The following ELAPOR2 variants were observed in gnomAD, a reference collection of about 807,000 sequenced individuals.
ELAPOR2 encodes the protein endosome-lysosome associated apoptosis and autophagy regulator family member 2, also known as endosome/lysosome-associated apoptosis and autophagy regulator family member 2.
ELAPOR2 carries 89 observed loss-of-function variants against 120.7 expected under a neutral mutation model. The observed-to-expected ratio is 0.74, with a 90% CI of 0.62 to 0.88. The LOEUF (loss-of-function observed/expected upper bound fraction) is 0.88, where lower values mean the gene tolerates loss of function less well. ELAPOR2 is among the 40% of genes least tolerant of loss of function. The pLI, the probability that ELAPOR2 is intolerant of heterozygous loss-of-function variation, is 0.00. For synonymous variants in ELAPOR2, 444 were observed against 444.9 expected, an observed-to-expected ratio of 1.00 and a Z score of 0.03; for missense variants, 1,134 against 1,251.6, an observed-to-expected ratio of 0.91 and a Z score of 1.42.
At chr7:86,932,514 A>G (rs1790371726) in intron 8 of ELAPOR2, among the ~76,000 whole-genome samples, 1 of 151,906 alleles carries the variant, frequency 6.6e-6, no homozygotes, top group Non-Finnish European at 1.5e-5. Context: ...AACACTGCAC[A>G]GGTTACTCTG....
At position 87,052,494 on chromosome 7, in the gene ELAPOR2, A is replaced by G. The variant is rs144397386; in HGVS notation, c.189+6831T>C. 1.7e-3 allele frequency among the ~76,000 whole-genome samples: 254 copies of G among 152,290 alleles called. 2 individuals carry two copies. The highest frequency in any genetic ancestry group is 5.9e-3 in the African/African-American group (244 of 41,556). On this transcript the variant is annotated intron_variant, in intron 1 of 21. Transcript: ENST00000450689. ...GTGGGAACACAGGCAAACCATATCA[A>G]TTCCTTTCTTTATACTGAGCGCAAT...
intron 1 of ELAPOR2, among the ~76,000 whole-genome samples, chr7:87,032,249 G>A (rs1287095394): frequency 2.0e-5 from 3 of 152,090 alleles, no homozygotes; most frequent in African/African-American, 7.2e-5. Context: ...TAAAATGTCT[G>A]AATATCACTT....
chr7:86,903,557 A>T (rs1226952180), intron 18 of ELAPOR2, among the ~76,000 whole-genome samples: 1 of 152,212 alleles, frequency 6.6e-6, no homozygotes, highest in Non-Finnish European at 1.5e-5. Flanking sequence ...CCAAAGACCA[A>T]AGAAAATACT....
intron 2 of ELAPOR2, among the ~76,000 whole-genome samples, chr7:86,950,896 G>A (rs981184885): frequency 6.6e-6 from 1 of 152,174 alleles, no homozygotes; most frequent in African/African-American, 2.4e-5. Context: ...AGTATAAGGT[G>A]GTTAGTGCCT....
intron 1 of ELAPOR2, among the ~76,000 whole-genome samples, chr7:87,043,866 G>A (rs867871210): frequency 6.6e-6 from 1 of 151,830 alleles, no homozygotes; most frequent in Non-Finnish European, 1.5e-5. Flanking sequence ...AAACCCCATT[G>A]TCTCAGCCCA....
At chr7:86,942,247 G>C (rs1384375368) in intron 4 of ELAPOR2, 143 bp from the exon 5 acceptor site, 2 of 521,610 alleles carry the variant, frequency 3.8e-6, no homozygotes, top group Non-Finnish European at 7.0e-6. Context: ...TAAACATACC[G>C]AGACCTCTGG....
intron 15 of ELAPOR2, chr7:86,911,672 C>G (rs1291321594): frequency 2.2e-6 from 1 of 458,286 alleles, no homozygotes; most frequent in African/African-American, 2.0e-5. Flanking sequence ...TTTGGACAAG[C>G]TTCCTCTTGA....
intron 1 of ELAPOR2, among the ~76,000 whole-genome samples, chr7:87,016,219 C>T (rs1793862527): frequency 6.6e-6 from 1 of 152,042 alleles, no homozygotes; most frequent in African/African-American, 2.4e-5. Context: ...ATATTTTAGA[C>T]TCAAAATGTA....
rs1274112462 is a variant in ELAPOR2, at chr7:86,877,250, G to A, written c.*3221C>T. ...TTAAAATAAAAGTAAAATCCAGCAA[G>A]AGAATAATCTGTAGCCAGTTAGTAT... On this transcript the variant is annotated 3_prime_UTR_variant, in exon 22 of 22. Coordinates refer to ENST00000450689, the MANE Select transcript of ELAPOR2 (RefSeq NM_001142749.3). 2 of 152,088 alleles carry A rather than the reference G, an allele frequency of 1.3e-5. No homozygotes were observed. The highest frequency in any genetic ancestry group is 4.8e-5 in the African/African-American group (2 of 41,422). The allele number at this position is 152,088 out of a possible 1,614,324, so 9.4% of individuals were successfully genotyped here. A position where few individuals can be genotyped will look rare whatever the true frequency, so the allele number is the denominator to read the frequency against.
At chr7:86,950,299 C>A (rs1344732930) in intron 2 of ELAPOR2, among the ~76,000 whole-genome samples, 1 of 152,224 alleles carries the variant, frequency 6.6e-6, no homozygotes, top group Non-Finnish European at 1.5e-5. Flanking sequence ...TCAGGAACCA[C>A]CAAATGGTGG....
chr7:86,962,711 T>C (rs1791763332), intron 2 of ELAPOR2, among the ~76,000 whole-genome samples: 1 of 152,232 alleles, frequency 6.6e-6, no homozygotes, highest in African/African-American at 2.4e-5. Flanking sequence ...CCTAGTTATC[T>C]GAGATGGCTG....
chr7:86,896,389 A>C lies in ELAPOR2; in HGVS notation c.2685+1117T>G, dbSNP rs183090552. On this transcript the variant is annotated intron_variant, in intron 19 of 21. Transcript: ENST00000450689. ...ACACCAACTTAGAGAATAGTTCTCTACGGTTTTTTCCTAGGGGTGAGGTGA... is the reference window on the plus strand; with the variant it reads ...ACACCAACTTAGAGAATAGTTCTCTCCGGTTTTTTCCTAGGGGTGAGGTGA... 1.6e-3 allele frequency among the ~76,000 whole-genome samples: 241 copies of C among 152,150 alleles called. 2 individuals carry two copies. The highest frequency in any genetic ancestry group is 5.5e-3 in the African/African-American group (229 of 41,522).
chr7:86,987,469 G>T (rs900680653), intron 1 of ELAPOR2, among the ~76,000 whole-genome samples: 1 of 152,052 alleles, frequency 6.6e-6, no homozygotes, highest in Non-Finnish European at 1.5e-5. Flanking sequence ...CTAATATCCA[G>T]AATCTACAAA....
intron 8 of ELAPOR2, among the ~76,000 whole-genome samples, chr7:86,931,270 G>A (rs1463783741): frequency 1.3e-5 from 2 of 151,890 alleles, no homozygotes; most frequent in East Asian, 1.9e-4. Context: ...AAGAGAGTAC[G>A]TTCACAAATA....
intron 20 of ELAPOR2, 89 bp from the exon 21 acceptor site, chr7:86,891,978 ATT>A: frequency 1.2e-6 from 1 of 846,454 alleles, no homozygotes; most frequent in Non-Finnish European, 1.8e-6. Context: ...ATACCAGCTC[ATT>A]AAATTGACTT....
intron 2 of ELAPOR2, among the ~76,000 whole-genome samples, chr7:86,961,774 T>C (rs1791717968): frequency 6.6e-6 from 1 of 152,220 alleles, no homozygotes; most frequent in Non-Finnish European, 1.5e-5. Flanking sequence ...GGTTCAGGAA[T>C]GGCATGCTAC....
At chr7:86,884,407 C>G (rs969532465) in intron 21 of ELAPOR2, among the ~76,000 whole-genome samples, 1 of 152,156 alleles carries the variant, frequency 6.6e-6, no homozygotes, top group Non-Finnish European at 1.5e-5. Context: ...TTGAACACCA[C>G]AAGTTTGAAC....
intron 8 of ELAPOR2, among the ~76,000 whole-genome samples, chr7:86,933,129 A>AAT (rs1028031052): frequency 2.6e-4 from 39 of 151,104 alleles, no homozygotes; most frequent in Admixed American, 1.2e-3. Flanking sequence ...AAATATATCA[A>AAT]ATATATATAT....
intron 5 of ELAPOR2, chr7:86,941,440 T>A: frequency 2.0e-6 from 1 of 511,366 alleles, no homozygotes; most frequent in Admixed American, 2.0e-5. Flanking sequence ...GGTAGAATTT[T>A]AACCAATGTG....
Sources: allele counts gnomAD v4.1 joint callset (sites outside exome capture counted in the v4.1 genomes callset), GRCh38; gene constraint gnomAD v4.1.1; transcripts MANE v1.5; gene names NCBI Gene and HGNC (gene_info 2026-07-23, HGNC 2026-07-21).